Variants in SULF2 observed in about 807,000 individuals in gnomAD.
SULF2 encodes the protein sulfatase 2, also known as extracellular sulfatase Sulf-2.
Under a neutral mutation model 107.7 loss-of-function variants are expected in SULF2, and 52 were observed. The ratio of observed to expected loss-of-function variants is 0.48; its 90% confidence interval spans 0.39 to 0.61. SULF2 has a LOEUF of 0.61. Ranked by LOEUF, SULF2 falls within the 20% of genes least tolerant of loss-of-function variation. The probability of loss-of-function intolerance (pLI) is 0.00; values close to 1 mark genes in which losing one functional copy is unlikely to be tolerated. For missense variants in SULF2, 993 were observed against 1,177.3 expected, an observed-to-expected ratio of 0.84 and a Z score of 2.29; for synonymous variants, 460 against 464.3, an observed-to-expected ratio of 0.99 and a Z score of 0.12.
intron 15 of SULF2, 46 bp from the exon 16 acceptor site, chr20:47,663,668 A>G: frequency 6.6e-7 from 1 of 1,522,258 alleles, no homozygotes; most frequent in South Asian, 1.3e-5. Flanking sequence ...CTGAGGGATC[A>G]GTGACCCCAT....
At chr20:47,687,961 CTT>C (rs1354469210) in intron 5 of SULF2, among the ~76,000 whole-genome samples, 1 of 151,842 alleles carries the variant, frequency 6.6e-6, no homozygotes, top group Non-Finnish European at 1.5e-5. Flanking sequence ...TGTGGTATGT[CTT>C]TGTGTGCCTG....
At chr20:47,674,614 G>A (rs1012860516) in intron 10 of SULF2, among the ~76,000 whole-genome samples, 7 of 152,328 alleles carry the variant, frequency 4.6e-5, no homozygotes, top group South Asian at 2.1e-4. Context: ...GGATGTCCCC[G>A]TGTCACCGGG....
intron 1 of SULF2, among the ~76,000 whole-genome samples, chr20:47,781,253 G>A (rs2090828905): frequency 6.6e-6 from 1 of 152,254 alleles, no homozygotes; most frequent in Admixed American, 6.5e-5. Flanking sequence ...AAATGAAGAT[G>A]GGTCCATCTG....
intron 4 of SULF2, among the ~76,000 whole-genome samples, chr20:47,702,267 C>T (rs1199638066): frequency 6.6e-6 from 1 of 152,130 alleles, no homozygotes; most frequent in African/African-American, 2.4e-5. Flanking sequence ...GTCATGTTGC[C>T]CAGGCTGGTC....
At chr20:47,708,258 G>C (rs2088813406) in intron 3 of SULF2, among the ~76,000 whole-genome samples, 1 of 152,234 alleles carries the variant, frequency 6.6e-6, no homozygotes, top group African/African-American at 2.4e-5. Context: ...GGGCTGAAGA[G>C]CAAGAGTCAG....
At chr20:47,735,230 A>G (rs1188705810) in intron 3 of SULF2, among the ~76,000 whole-genome samples, 9 of 152,130 alleles carry the variant, frequency 5.9e-5, no homozygotes, top group Admixed American at 5.9e-4. Flanking sequence ...CAGCATCCAA[A>G]ACGAAAGGTT....
At chr20:47,692,534 C>G (rs983057574) in intron 4 of SULF2, among the ~76,000 whole-genome samples, 2 of 152,216 alleles carry the variant, frequency 1.3e-5, no homozygotes, top group African/African-American at 4.8e-5. Context: ...CCTCAGCCTT[C>G]TAAGTAGCTA....
rs975072812 is a variant in SULF2, at chr20:47,657,609, A to G, written c.*753T>C. On this transcript the variant is annotated 3_prime_UTR_variant, in exon 21 of 21. Transcript: ENST00000688720. ...AAACATCAGTTCTGGGACATAACAA[A>G]GAAATACTAGGAGAAATGGTATCTG... 1.3e-5 allele frequency: 2 copies of G among 152,224 alleles called. No individual in the cohort carries two copies. Among genetic ancestry groups the G allele is most frequent in the Non-Finnish European group, 2.9e-5 (2 of 68,028 alleles). The allele number at this position is 152,224 out of a possible 1,614,324, so 9.4% of individuals were successfully genotyped here.
chr20:47,693,979 G>A (rs1208288293), intron 4 of SULF2, among the ~76,000 whole-genome samples: 5 of 152,200 alleles, frequency 3.3e-5, no homozygotes, highest in African/African-American at 1.2e-4. Context: ...TGGTGGCTGG[G>A]CAGATTTCTC....
At chr20:47,659,041 A>C (rs1365775038) in intron 20 of SULF2, among the ~76,000 whole-genome samples, 1 of 152,178 alleles carries the variant, frequency 6.6e-6, no homozygotes, top group African/African-American at 2.4e-5. Context: ...GAAACCATTT[A>C]ATGAGGCCAT....
intron 4 of SULF2, among the ~76,000 whole-genome samples, chr20:47,701,978 T>C (rs2146596492): frequency 6.6e-6 from 1 of 152,352 alleles, no homozygotes; most frequent in South Asian, 2.1e-4. Flanking sequence ...ATGTACTTTC[T>C]GTAAGAATAT....
At chr20:47,690,356 C>G in intron 4 of SULF2, 61 bp from the exon 5 acceptor site, 1 of 1,315,688 alleles carries the variant, frequency 7.6e-7, no homozygotes, top group Non-Finnish European at 9.9e-7. Context: ...CTGGTGTCCA[C>G]TACGTGCCAG....
At chr20:47,749,068 G>A (rs2090107877) in intron 2 of SULF2, among the ~76,000 whole-genome samples, 1 of 150,672 alleles carries the variant, frequency 6.6e-6, no homozygotes, top group Admixed American at 6.6e-5. Context: ...TTGCTGCCTA[G>A]AGTGTGGCTA....
intron 8 of SULF2, among the ~76,000 whole-genome samples, chr20:47,677,429 T>TGTGC (rs1491517833): frequency 4.7e-5 from 7 of 148,604 alleles, no homozygotes; most frequent in African/African-American, 1.7e-4. Flanking sequence ...TGTGTGTGTG[T>TGTGC]GCGCGCACAC....
Position 47,757,287 on chromosome 20 carries a change from A to C in SULF2, c.77T>G (p.Leu26Arg). The C allele has an allele frequency of 1.3e-6, 2 of 1,592,448 alleles. No individual in the cohort carries two copies. The highest frequency in any genetic ancestry group is 2.3e-5 in the South Asian group (2 of 87,658). The change falls in exon 2 of 21, where the codon CTG (leucine) becomes CGG (arginine). Residue 26 changes from leucine (L) to arginine (R), a missense_variant. By Grantham distance (102) the Leu-to-Arg change is moderately radical. Transcript: ENST00000688720. Reference protein sequence around the residue: ...FSLLGGSSAFLSHHRLKGRFQ... With the variant: ...FSLLGGSSAFRSHHRLKGRFQ... ...CCTGCCTTTCAGGCGGTGGTGCGAC[A>C]GGAAGGCCGAGCTTCCACCCAGCAG...
chr20:47,727,217 C>T (rs1781007076), intron 3 of SULF2, among the ~76,000 whole-genome samples: 1 of 152,140 alleles, frequency 6.6e-6, no homozygotes, highest in Admixed American at 6.5e-5. Flanking sequence ...AGAGCGGGCT[C>T]TAGTCCAATC....
At chr20:47,723,549 T>C (rs992627654) in intron 3 of SULF2, among the ~76,000 whole-genome samples, 33 of 152,166 alleles carry the variant, frequency 2.2e-4, no homozygotes, top group African/African-American at 7.7e-4. Flanking sequence ...GTGAGCAAAC[T>C]TCATCTGTAT....
chr20:47,699,869 C>T (rs922911607), intron 4 of SULF2, among the ~76,000 whole-genome samples: 1 of 152,236 alleles, frequency 6.6e-6, no homozygotes, highest in South Asian at 2.1e-4. Context: ...TTTGGACAGA[C>T]ACCTTCTCCA....
intron 11 of SULF2, among the ~76,000 whole-genome samples, chr20:47,668,742 G>A (rs116485208): frequency 0.015 from 2,340 of 152,254 alleles, 75 homozygotes; most frequent in African/African-American, 0.052. Context: ...TGCAGCTGAC[G>A]TCCTCACCTA....
Sources: gnomAD v4.1 joint callset for allele counts (sites outside exome capture counted in the v4.1 genomes callset) on GRCh38, gnomAD v4.1.1 for gene constraint, MANE v1.5 for transcripts, NCBI Gene and HGNC (gene_info 2026-07-23, HGNC 2026-07-21) for gene names.